The following UTP20 variants were observed in gnomAD, a reference collection of about 807,000 sequenced individuals.
The protein encoded by UTP20 is UTP20 small subunit processome component, also known as small subunit processome component 20 homolog.
UTP20 carries 164 observed loss-of-function variants against 329.5 expected under a neutral mutation model. That is an observed-to-expected ratio of 0.50 (90% CI 0.44 to 0.57). The LOEUF (loss-of-function observed/expected upper bound fraction) is 0.57. Among genes scored for constraint, UTP20 ranks in the 20% least tolerant of loss-of-function variants. The pLI, the probability that UTP20 is intolerant of heterozygous loss-of-function variation, is 0.00. For synonymous variants in UTP20, 1,151 were observed against 1,159.3 expected, an observed-to-expected ratio of 0.99 and a Z score of 0.14; for missense variants, 3,055 against 3,284.2, an observed-to-expected ratio of 0.93 and a Z score of 1.71.
chr12:101,353,817 G>A (rs1044823589), intron 40 of UTP20, among the ~76,000 whole-genome samples: 1 of 152,220 alleles, frequency 6.6e-6, no homozygotes. Context: ...GAATTAAAAA[G>A]CGTCACGATT....
Position 101,311,772 on chromosome 12 carries a change from A to G in UTP20, c.2285A>G (p.His762Arg), listed in dbSNP as rs771476091. Residue 762 changes from histidine to arginine, a missense_variant, in exon 20 of 62, where the codon CAT (histidine) becomes CGT (arginine). Around this residue, in one of 3 missense-constraint regions of UTP20, gnomAD observed 2,445 missense variants for 2,575.5 expected, o/e 0.95. Coordinates refer to ENST00000261637, the MANE Select transcript of UTP20 (RefSeq NM_014503.3). ...NKQFWKVYYEHLEKAATHAEK... is the reference protein window; with the variant it reads ...NKQFWKVYYERLEKAATHAEK... ...CAATTTTGGAAAGTCTACTATGAGC[A>G]TCTAGAAAAAGCAGCTACGCATGCT... is the stretch of plus-strand genomic sequence containing the variant. 1.6e-5 allele frequency: 26 copies of G among 1,613,326 alleles called. No individual in the cohort carries two copies. The highest frequency in any genetic ancestry group is 2.0e-5 in the Non-Finnish European group (24 of 1,179,902).
chr12:101,294,529 A>G (rs1037520802), intron 11 of UTP20, among the ~76,000 whole-genome samples: 1 of 145,548 alleles, frequency 6.9e-6, no homozygotes, highest in Non-Finnish European at 1.5e-5. Context: ...TTTTGTATAC[A>G]TTCTCGTTTT....
At chr12:101,282,093 G>GTA (rs1871817725) in intron 2 of UTP20, among the ~76,000 whole-genome samples, 1 of 152,104 alleles carries the variant, frequency 6.6e-6, no homozygotes, top group Non-Finnish European at 1.5e-5. Context: ...CTATACCTTG[G>GTA]CGATCCAATC....
chr12:101,326,479 A>T (rs1333834028), intron 25 of UTP20, among the ~76,000 whole-genome samples: 1 of 151,766 alleles, frequency 6.6e-6, no homozygotes, highest in African/African-American at 2.4e-5. Context: ...TCCAATAAGT[A>T]TCGGTCTCTG....
chr12:101,383,326 C>A lies in UTP20; in HGVS notation c.7929+13C>A, dbSNP rs1035705038. The A allele has an allele frequency of 1.2e-6, 2 of 1,606,708 alleles. No individual in the cohort carries two copies. Among genetic ancestry groups the A allele is most frequent in the African/African-American group, 1.3e-5 (1 of 74,728 alleles). On this transcript the variant is annotated intron_variant, in intron 59 of 61. Transcript: ENST00000261637. ...AAACCCCTTAAAGGTGCGATGAATG[C>A]ACAGAATGACTGACAGTAGTCATTT...
chr12:101,287,993 G>T (rs565829566), intron 5 of UTP20, among the ~76,000 whole-genome samples: 1 of 152,154 alleles, frequency 6.6e-6, no homozygotes, highest in Non-Finnish European at 1.5e-5. Context: ...CCTGTGGACC[G>T]CTGTAAGGTC....
chr12:101,298,399 G>T (rs915235092), intron 12 of UTP20, among the ~76,000 whole-genome samples: 1 of 152,176 alleles, frequency 6.6e-6, no homozygotes, highest in Admixed American at 6.5e-5. Flanking sequence ...AAAGATCTCA[G>T]TGAGAGACTC....
rs764925734 is a variant in UTP20 at position 101,363,575 on chromosome 12, G to T, written c.5791-1G>T. On this transcript the variant is annotated splice_acceptor_variant, in intron 44 of 61. Coordinates refer to ENST00000261637, the MANE Select transcript of UTP20 (RefSeq NM_014503.3). LOFTEE classifies it high-confidence loss of function. ...TGCCATTTGTCCTTTTTCTTCCAAA[G>T]ATTTTTAACCATGAGTTGTTTGGTG... is the stretch of plus-strand genomic sequence containing the variant. The T allele has an allele frequency of 1.2e-6, 2 of 1,609,138 alleles. No individual in the cohort carries two copies. The highest frequency in any genetic ancestry group is 1.7e-6 in the Non-Finnish European group (2 of 1,178,254).
At chr12:101,346,714 C>G (rs1869337016) in intron 38 of UTP20, 126 bp downstream of exon 38, 1 of 970,774 alleles carries the variant, frequency 1.0e-6, no homozygotes, top group Admixed American at 3.0e-5. Flanking sequence ...TAGAATAGTT[C>G]TAAAGTTCTT....
At chr12:101,288,556 T>G (rs1161347013) in intron 5 of UTP20, among the ~76,000 whole-genome samples, 1 of 152,232 alleles carries the variant, frequency 6.6e-6, no homozygotes, top group Non-Finnish European at 1.5e-5. Flanking sequence ...ATAGCTGCTC[T>G]CCTCTACTGT....
chr12:101,367,783 G>A (rs2305858), intron 47 of UTP20, 77 bp from the exon 48 acceptor site: 98,817 of 874,622 alleles, frequency 0.11, 18,978 homozygotes, highest in African/African-American at 0.58. Context: ...GCTTTTCTCT[G>A]AACATCATTT....
At chr12:101,347,513 A>C (rs1869366731) in intron 38 of UTP20, among the ~76,000 whole-genome samples, 1 of 152,076 alleles carries the variant, frequency 6.6e-6, no homozygotes, top group African/African-American at 2.4e-5. Flanking sequence ...ACAGAGCGAG[A>C]CTATTTGAAA....
intron 47 of UTP20, among the ~76,000 whole-genome samples, chr12:101,367,126 T>A (rs542975610): frequency 2.2e-4 from 33 of 151,418 alleles, no homozygotes; most frequent in South Asian, 6.3e-4. Flanking sequence ...CAAAAAAAAA[T>A]TTTTTTTAAT....
chr12:101,356,814 G>T, intron 42 of UTP20, 112 bp from the exon 43 acceptor site: 1 of 1,476,748 alleles, frequency 6.8e-7, no homozygotes, highest in Non-Finnish European at 9.1e-7. Context: ...CTGTGGTTTC[G>T]AATATTAACA....
chr12:101,319,890 G>A (rs962799611), intron 23 of UTP20, among the ~76,000 whole-genome samples: 3 of 152,092 alleles, frequency 2.0e-5, no homozygotes, highest in Non-Finnish European at 2.9e-5. Flanking sequence ...AGTGAGAATA[G>A]CAAAGCATGA....
At chr12:101,287,878 G>A (rs1185369092) in intron 5 of UTP20, among the ~76,000 whole-genome samples, 1 of 152,188 alleles carries the variant, frequency 6.6e-6, no homozygotes. Context: ...AATGTCTTGG[G>A]CACATGCCCG....
chr12:101,328,646 A>T (rs1207344835), intron 26 of UTP20, among the ~76,000 whole-genome samples: 3 of 152,150 alleles, frequency 2.0e-5, no homozygotes, highest in African/African-American at 7.2e-5. Flanking sequence ...AGGTGGGTGG[A>T]TCACCTGAGG....
rs181819238 is a variant in UTP20 at position 101,303,353 on chromosome 12, A to G, written c.1781+800A>G. 4.3e-3 allele frequency among the ~76,000 whole-genome samples: 655 copies of G among 152,338 alleles called. 5 individuals are homozygous for G. The highest frequency in any genetic ancestry group is 4.5e-3 in the Non-Finnish European group (308 of 68,026). ...TGTTAGGAGGTGCTAAGTGCTGTGA[A>G]GAAAAACAAAGCAGGGTCAGGAGAT... is the stretch of plus-strand genomic sequence containing the variant. On this transcript the variant is annotated intron_variant, in intron 15 of 61. Coordinates refer to ENST00000261637, the MANE Select transcript of UTP20 (RefSeq NM_014503.3).
At chr12:101,290,110 A>G in intron 6 of UTP20, 27 bp from the exon 7 acceptor site, 1 of 1,473,700 alleles carries the variant, frequency 6.8e-7, no homozygotes, top group Non-Finnish European at 9.3e-7. Flanking sequence ...TGTGAATATA[A>G]TTTTCCATTT....
Sources: allele counts gnomAD v4.1 joint callset (sites outside exome capture counted in the v4.1 genomes callset), GRCh38; gene constraint gnomAD v4.1.1; regional missense constraint gnomAD v4.1.1; transcripts MANE v1.5; gene names NCBI Gene and HGNC (gene_info 2026-07-23, HGNC 2026-07-21).